GPSM2: variants seen among roughly 807,000 people sequenced by gnomAD.
GPSM2 encodes G protein signaling modulator 2.
Under a neutral mutation model 78.4 loss-of-function variants are expected in GPSM2, and 58 were observed. That is an observed-to-expected ratio of 0.74 (90% confidence interval 0.60 to 0.92). The LOEUF (loss-of-function observed/expected upper bound fraction) is 0.92, where lower values mean the gene tolerates loss of function less well. Among genes scored for constraint, GPSM2 ranks in the 40% least tolerant of loss-of-function variants. GPSM2 has a pLI of 0.00. For missense variants in GPSM2, 700 were observed against 815.5 expected (o/e 0.86, Z 1.73); for synonymous variants, 224 against 280.2 (o/e 0.80, Z 2.00).
rs762285081 is a variant in GPSM2, at chr1:108,901,824, C to G, written c.832C>G (p.Arg278Gly). 2 of 1,610,870 alleles carry G rather than the reference C, an allele frequency of 1.2e-6. No individual in the cohort carries two copies. The highest frequency in any genetic ancestry group is 2.2e-5 in the South Asian group (2 of 91,004). Reference sequence around the variant, plus strand: ...ACTGTTGGCCCGACAGCTTAAAGACCGAGCTGTAGAAGCACAGTCTTGTTA... The same window carrying G: ...ACTGTTGGCCCGACAGCTTAAAGACGGAGCTGTAGAAGCACAGTCTTGTTA... ...TLLLARQLKD[R>G]AVEAQSCYSL... Residue 278 changes from arginine to glycine, a missense_variant, in exon 8 of 15, where the codon CGA (arginine) becomes GGA (glycine). Physicochemically the swap from Arg to Gly is moderately radical, Grantham distance 125. Coordinates refer to ENST00000264126, the MANE Select transcript of GPSM2 (RefSeq NM_013296.5).
chr1:108,914,301 T>G (rs1423116041), intron 10 of GPSM2, 37 bp from the exon 11 acceptor site: 6 of 1,385,454 alleles, frequency 4.3e-6, no homozygotes. Context: ...TCTTAAGGGC[T>G]CCCTGGTTTA....
At position 108,877,024 on chromosome 1, in the gene GPSM2, C is replaced by A. The variant is rs1057445821; in HGVS notation, c.-453C>A. On this transcript the variant is annotated 5_prime_UTR_variant, in exon 1 of 15. Transcript: ENST00000264126. ...TGTTGAGACCGGCGGAGCGGCGGGACCCCTAGGTGGCGGAGGGACGCTCCG... is the reference window on the plus strand; with the variant it reads ...TGTTGAGACCGGCGGAGCGGCGGGAACCCTAGGTGGCGGAGGGACGCTCCG... 6.6e-6 allele frequency: 1 copy of A among 152,280 alleles called. No homozygotes were observed. Among genetic ancestry groups the A allele is most frequent in the Non-Finnish European group, 1.5e-5 (1 of 68,116 alleles). 9.4% of individuals were successfully genotyped at this position (152,280 alleles called of 1,614,324 possible).
intron 7 of GPSM2, among the ~76,000 whole-genome samples, chr1:108,899,292 T>A (rs1648618110): frequency 6.6e-6 from 1 of 152,222 alleles, no homozygotes; most frequent in South Asian, 2.1e-4. Context: ...AGTAATTGTT[T>A]TTAAATGAAG....
rs748168098 is a variant in GPSM2 at position 108,932,389 on chromosome 1, T to A, written c.*2449T>A. The A allele has an allele frequency of 1.3e-5, 2 of 152,222 alleles. No homozygotes were observed. The highest frequency in any genetic ancestry group is 2.4e-5 in the African/African-American group (1 of 41,452). The allele number at this position is 152,222 out of a possible 1,614,324, so 9.4% of individuals were successfully genotyped here. A position where few individuals can be genotyped will look rare whatever the true frequency, so the allele number is the denominator to read the frequency against. On this transcript the variant is annotated 3_prime_UTR_variant, in exon 15 of 15. Transcript: ENST00000264126. ...CTCTTTTCTGATAACAAACACCCGA[T>A]GTGTTCAATTTGCTTTCATATTTAA...
Position 108,885,369 on chromosome 1 carries a change from TA to T in GPSM2, c.-153del. 1.9e-6 allele frequency: 1 copy of T among 525,258 alleles called. No homozygotes were observed. The allele number at this position is 525,258 out of a possible 1,614,324, so 32.5% of individuals were successfully genotyped here. ...CTGTCTGACATTGACCTCCTTTCAT[TA>T]TTAATAAAGAAGAATCAGGAGCTTA... is the stretch of plus-strand genomic sequence containing the variant. On this transcript the variant is annotated 5_prime_UTR_variant, in exon 2 of 15. An upstream open reading frame in the 5' UTR loses its in-frame stop. Transcript: ENST00000264126.
At chr1:108,895,130 A>G (rs1036604761) in intron 2 of GPSM2, among the ~76,000 whole-genome samples, 1 of 152,194 alleles carries the variant, frequency 6.6e-6, no homozygotes, top group African/African-American at 2.4e-5. Flanking sequence ...TGGGGCTTTA[A>G]AAAAATACAG....
chr1:108,910,816 T>A (rs1421559200), intron 10 of GPSM2, among the ~76,000 whole-genome samples: 1 of 150,256 alleles, frequency 6.7e-6, no homozygotes, highest in Non-Finnish European at 1.5e-5. Flanking sequence ...TGAGCCGAGA[T>A]AGCACCACTG....
At position 108,904,120 on chromosome 1, in the gene GPSM2, T is replaced by C. The variant is rs761866232; in HGVS notation, c.1063-5T>C. The C allele has an allele frequency of 3.8e-6, 6 of 1,584,772 alleles. No individual in the cohort carries two copies. The highest frequency in any genetic ancestry group is 1.3e-5 in the African/African-American group (1 of 74,518). On this transcript the variant is annotated splice_region_variant and splice_polypyrimidine_tract_variant and intron_variant, in intron 9 of 14. Coordinates refer to ENST00000264126, the MANE Select transcript of GPSM2 (RefSeq NM_013296.5). ...TACTCTAAAATATAAATGTTTGTGTTGTAGGTTGGGGATAAAAGTGGTGAA... is the reference window on the plus strand; with the variant it reads ...TACTCTAAAATATAAATGTTTGTGTCGTAGGTTGGGGATAAAAGTGGTGAA...
At chr1:108,885,253 G>A (rs892232368) in intron 1 of GPSM2, 22 bp from the exon 2 acceptor site, 1 of 339,870 alleles carries the variant, frequency 2.9e-6, no homozygotes, top group African/African-American at 2.1e-5. Flanking sequence ...TTCAAGCAAA[G>A]CATCTTGTAT....
At chr1:108,896,462 G>A (rs976303541) in intron 2 of GPSM2, among the ~76,000 whole-genome samples, 1 of 152,118 alleles carries the variant, frequency 6.6e-6, no homozygotes, top group African/African-American at 2.4e-5. Context: ...CCTGGGTAGA[G>A]AACAATATTA....
chr1:108,898,074 C>T lies in GPSM2; in HGVS notation c.530C>T (p.Ala177Val). Reference protein sequence around the residue: ...VGEFPEEVRDALQAAVDFYEE... With the variant: ...VGEFPEEVRDVLQAAVDFYEE... The stretch of plus-strand genomic sequence containing the variant: ...GAATTTCCAGAAGAAGTGAGAGATG[C>T]TCTGCAGGCAGCCGTGGATTTTTAT... Residue 177 changes from alanine (A) to valine (V), a missense_variant, in exon 5 of 15, where the codon GCT becomes GTT. Ala to Val is a moderately conservative substitution (Grantham distance 64, BLOSUM62 0). Coordinates refer to ENST00000264126, the MANE Select transcript of GPSM2 (RefSeq NM_013296.5). 6.2e-7 allele frequency: 1 copy of T among 1,614,034 alleles called. No homozygotes were observed. The highest frequency in any genetic ancestry group is 8.5e-7 in the Non-Finnish European group (1 of 1,179,904).
intron 10 of GPSM2, among the ~76,000 whole-genome samples, chr1:108,913,364 CTG>C (rs1649919617): frequency 1.3e-5 from 2 of 152,192 alleles, no homozygotes; most frequent in African/African-American, 4.8e-5. Flanking sequence ...ACTCTACAGT[CTG>C]TTATTTTTGA....
intron 1 of GPSM2, among the ~76,000 whole-genome samples, chr1:108,880,306 G>A (rs1439633290): frequency 6.6e-6 from 1 of 152,140 alleles, no homozygotes; most frequent in Non-Finnish European, 1.5e-5. Context: ...GCTTTAAAAT[G>A]TGTTTGGGTC....
At chr1:108,891,753 C>A (rs1022866071) in intron 2 of GPSM2, among the ~76,000 whole-genome samples, 3 of 151,638 alleles carry the variant, frequency 2.0e-5, no homozygotes, top group Non-Finnish European at 4.4e-5. Flanking sequence ...GATCCACCCC[C>A]CCTTAGCCTC....
At chr1:108,886,497 A>G (rs1647559344) in intron 2 of GPSM2, among the ~76,000 whole-genome samples, 1 of 151,464 alleles carries the variant, frequency 6.6e-6, no homozygotes, top group South Asian at 2.1e-4. Flanking sequence ...TCCCTAGGGA[A>G]ATGGCCTGGC....
chr1:108,892,029 T>C (rs1363430330), intron 2 of GPSM2, among the ~76,000 whole-genome samples: 1 of 152,194 alleles, frequency 6.6e-6, no homozygotes, highest in East Asian at 1.9e-4. Context: ...AATTTGTTTA[T>C]TGGGGCTAGC....
chr1:108,897,844 A>G, intron 4 of GPSM2, 115 bp from the exon 5 acceptor site: 1 of 1,040,294 alleles, frequency 9.6e-7, no homozygotes, highest in Non-Finnish European at 1.5e-6. Context: ...TTCTGTATGG[A>G]GAGCCAATAT....
Position 108,899,047 on chromosome 1 carries a change from A to G in GPSM2, c.797+53A>G. The G allele has an allele frequency of 2.8e-6, 3 of 1,062,046 alleles. No homozygotes were observed. The South Asian group carries it at 3.9e-5, about 14-fold the overall frequency. 65.8% of individuals were successfully genotyped at this position (1,062,046 alleles called of 1,614,324 possible). A position where few individuals can be genotyped will look rare whatever the true frequency, so the allele number is the denominator to read the frequency against. ...GTAAAATGAATACTCAGTCCCATTA[A>G]TTCATAGGCTTTAGGTTTAAAATCT... On this transcript the variant is annotated intron_variant, in intron 7 of 14. Transcript: ENST00000264126.
intron 2 of GPSM2, 106 bp downstream of exon 2, chr1:108,885,684 G>T: frequency 1.3e-6 from 1 of 772,800 alleles, no homozygotes. Flanking sequence ...AAATATACCA[G>T]CCATAGTATT....
Sources: allele counts gnomAD v4.1 joint callset (sites outside exome capture counted in the v4.1 genomes callset), GRCh38; gene constraint gnomAD v4.1.1; transcripts MANE v1.5; gene names NCBI Gene and HGNC (gene_info 2026-07-23, HGNC 2026-07-21).